Variants in TENM3 observed in about 807,000 individuals in gnomAD.
TENM3 encodes teneurin transmembrane protein 3, also known as teneurin-3.
In TENM3, 63 loss-of-function variants were observed where a neutral mutation model predicts 255.1. The observed-to-expected ratio is 0.25, with a 90% CI of 0.20 to 0.30. The LOEUF is 0.30. Among genes scored for constraint, TENM3 ranks in the 10% least tolerant of loss-of-function variants. The pLI is 1.00. For missense variants in TENM3, 2,929 were observed against 3,461.1 expected, an observed-to-expected ratio of 0.85 and a Z score of 3.86; for synonymous variants, 1,306 against 1,322.3, an observed-to-expected ratio of 0.99 and a Z score of 0.27.
At chr4:181,804,011 A>G in the TENM3 span, among the ~76,000 whole-genome samples, 1 of 149,832 alleles carries the variant, frequency 6.7e-6, no homozygotes, top group Non-Finnish European at 1.5e-5. Flanking sequence ...TAAGGAAGGA[A>G]GGAGAAATAG....
At chr4:181,914,696 C>T in the TENM3 span, among the ~76,000 whole-genome samples, 6 of 152,020 alleles carry the variant, frequency 3.9e-5, no homozygotes, top group South Asian at 2.1e-4. Flanking sequence ...AGATGGCTAA[C>T]GCTGAGAGAG....
intron 3 of TENM3, among the ~76,000 whole-genome samples, chr4:182,580,406 C>A (rs1745374731): frequency 6.6e-6 from 1 of 152,118 alleles, no homozygotes; most frequent in South Asian, 2.1e-4. Context: ...AAAAATACCT[C>A]TTCATCGCTC....
At chr4:181,962,133 C>T in the TENM3 span, among the ~76,000 whole-genome samples, 1 of 152,170 alleles carries the variant, frequency 6.6e-6, no homozygotes, top group Non-Finnish European at 1.5e-5. Flanking sequence ...ATGTGTATAG[C>T]TCTAGCTAAC....
chr4:182,204,104 T>A (rs1754386169), intron 1 of TENM3, among the ~76,000 whole-genome samples: 1 of 148,542 alleles, frequency 6.7e-6, no homozygotes, highest in Non-Finnish European at 1.5e-5. Flanking sequence ...ATGAGTTGGC[T>A]GCGGGGGACA....
chr4:182,568,006 A>G (rs953372032), intron 3 of TENM3, among the ~76,000 whole-genome samples: 7 of 152,240 alleles, frequency 4.6e-5, no homozygotes, highest in African/African-American at 7.2e-5. Flanking sequence ...TAAGGGGAAG[A>G]TATGAGTTCA....
At chr4:182,382,902 T>G (rs1767668866) in intron 3 of TENM3, among the ~76,000 whole-genome samples, 1 of 152,222 alleles carries the variant, frequency 6.6e-6, no homozygotes, top group Admixed American at 6.5e-5. Context: ...CTGATCACCC[T>G]TGCTACGGTT....
rs539293967 is a variant in TENM3 at position 182,786,549 on chromosome 4, C to G, written c.5305-2544C>G. On this transcript the variant is annotated intron_variant, in intron 24 of 27. Transcript: ENST00000511685. ...TCCAGCCTGGGTGACAGAGTGAGACCCCGTCTTAAAAAAAAAAAAAAAAAA... is the reference window on the plus strand; with the variant it reads ...TCCAGCCTGGGTGACAGAGTGAGACGCCGTCTTAAAAAAAAAAAAAAAAAA... Among the ~76,000 whole-genome samples, 61 of 132,928 alleles carry G rather than the reference C, an allele frequency of 4.6e-4. 1 individual carries two copies. Among genetic ancestry groups the G allele is most frequent in the African/African-American group, 1.9e-3 (57 of 29,836 alleles). 87.2% of individuals were successfully genotyped at this position (132,928 alleles called of 152,430 possible).
chr4:182,301,581 G>A (rs1761859748), intron 1 of TENM3, among the ~76,000 whole-genome samples: 2 of 152,152 alleles, frequency 1.3e-5, no homozygotes, highest in South Asian at 2.1e-4. Context: ...GCACATTTAA[G>A]AGCATCTTGA....
the TENM3 span, among the ~76,000 whole-genome samples, chr4:182,069,848 G>C: frequency 1.3e-5 from 2 of 152,086 alleles, no homozygotes; most frequent in Non-Finnish European, 2.9e-5. Context: ...AGGAGTTTCT[G>C]TCCCCTCTTC....
At chr4:181,596,415 C>T in the TENM3 span, among the ~76,000 whole-genome samples, 6 of 152,110 alleles carry the variant, frequency 3.9e-5, no homozygotes, top group African/African-American at 1.4e-4. Context: ...TCCTGAACAT[C>T]TGGCAACACT....
rs1161617650 is a variant in TENM3 at position 182,799,588 on chromosome 4, G to A, written c.7345-8G>A. The A allele has an allele frequency of 4.6e-6, 7 of 1,535,018 alleles. No homozygotes were observed. Among genetic ancestry groups the A allele is most frequent in the African/African-American group, 2.7e-5 (2 of 72,862 alleles). ...TCTGACGCGCCCCCTCTTTTGTTTC[G>A]CCCGCAGCCCATCTTCGGAGTCCAG... On this transcript the variant is annotated splice_polypyrimidine_tract_variant and splice_region_variant and intron_variant, in intron 27 of 27. Coordinates refer to ENST00000511685, the MANE Select transcript of TENM3 (RefSeq NM_001080477.4). This position sits in a 1 kb window ranked among gnomAD's most constrained non-coding sequence, Gnocchi z 4.2.
At chr4:182,230,688 C>A (rs758753663) in intron 1 of TENM3, among the ~76,000 whole-genome samples, 9 of 151,584 alleles carry the variant, frequency 5.9e-5, no homozygotes, top group Admixed American at 2.0e-4. Context: ...AAGGCTTTCC[C>A]ATCCCACCTA....
the TENM3 span, among the ~76,000 whole-genome samples, chr4:181,517,492 G>A: frequency 6.6e-6 from 1 of 152,172 alleles, no homozygotes; most frequent in Non-Finnish European, 1.5e-5. Context: ...CTGTACCTCT[G>A]CAAAATGCTT....
the TENM3 span, among the ~76,000 whole-genome samples, chr4:181,522,368 A>T: frequency 6.6e-6 from 1 of 152,148 alleles, no homozygotes; most frequent in East Asian, 1.9e-4. Flanking sequence ...ATGTTCTGAC[A>T]TGATTAGAAT....
the TENM3 span, among the ~76,000 whole-genome samples, chr4:181,584,341 G>A: frequency 6.6e-6 from 1 of 152,182 alleles, no homozygotes; most frequent in East Asian, 1.9e-4. Context: ...TCTAACTTCT[G>A]AGGAAGTCTC....
intron 3 of TENM3, among the ~76,000 whole-genome samples, chr4:182,373,709 C>A (rs1766996015): frequency 6.6e-6 from 1 of 152,156 alleles, no homozygotes; most frequent in Non-Finnish European, 1.5e-5. Flanking sequence ...GGACAAATAT[C>A]CGAACTATAT....
chr4:181,678,364 G>A, the TENM3 span, among the ~76,000 whole-genome samples: 2 of 152,024 alleles, frequency 1.3e-5, no homozygotes, highest in African/African-American at 4.8e-5. Context: ...GGGTTGGTAG[G>A]GCTTATGACA....
chr4:181,475,652 A>G, the TENM3 span, among the ~76,000 whole-genome samples: 1 of 152,212 alleles, frequency 6.6e-6, no homozygotes, highest in South Asian at 2.1e-4. Flanking sequence ...AATCAGCTCT[A>G]CCTGAGTCAG....
intron 3 of TENM3, among the ~76,000 whole-genome samples, chr4:182,491,563 G>A (rs1475890202): frequency 6.6e-6 from 1 of 152,064 alleles, no homozygotes; most frequent in Admixed American, 6.6e-5. Context: ...AAATGGTAGT[G>A]GCGGATAGTG....
Sources: gnomAD v4.1 joint callset for allele counts (sites outside exome capture counted in the v4.1 genomes callset) on GRCh38, gnomAD v4.1.1 for gene constraint, Gnocchi (gnomAD v3.1) non-coding constraint, MANE v1.5 for transcripts, NCBI Gene and HGNC (gene_info 2026-07-23, HGNC 2026-07-21) for gene names.